Variants in DNMT3B observed in about 807,000 individuals in gnomAD.
DNMT3B encodes the protein DNA (cytosine-5)-methyltransferase 3B.
Under a neutral mutation model 120.2 loss-of-function variants are expected in DNMT3B, and 37 were observed. The ratio of observed to expected loss-of-function variants is 0.31; its 90% CI spans 0.24 to 0.40. The LOEUF (loss-of-function observed/expected upper bound fraction) is 0.40, where lower values mean the gene tolerates loss of function less well. Among genes scored for constraint, DNMT3B ranks in the 10% least tolerant of loss-of-function variants. DNMT3B has a pLI of 1.00. For missense variants in DNMT3B, 878 were observed against 1,137.3 expected (o/e 0.77, Z 3.28); for synonymous variants, 412 against 442.8 (o/e 0.93, Z 0.87).
intron 3 of DNMT3B, among the ~76,000 whole-genome samples, chr20:32,784,440 A>G (rs1601084706): frequency 6.6e-6 from 1 of 152,324 alleles, no homozygotes. Context: ...TGGTGAGTGA[A>G]GGCAAGTGCT....
chr20:32,781,536 A>G lies in DNMT3B; in HGVS notation c.204+122A>G, dbSNP rs1978629405. The G allele has an allele frequency of 6.9e-6, 7 of 1,018,256 alleles. No individual in the cohort carries two copies. In the Admixed American group the frequency reaches 1.1e-4, roughly 16 times the overall value. The allele number at this position is 1,018,256 out of a possible 1,614,324, so 63.1% of individuals were successfully genotyped here. A position where few individuals can be genotyped will look rare whatever the true frequency, so the allele number is the denominator to read the frequency against. On this transcript the variant is annotated intron_variant, in intron 3 of 22. Coordinates refer to ENST00000328111, the MANE Select transcript of DNMT3B (RefSeq NM_006892.4). ...AATGTATGGAGGGTTGCCGAGCTAG[A>G]TGCTTTCTGCATATATTTGGCATTA...
chr20:32,784,610 T>C (rs1601085087), intron 3 of DNMT3B, 148 bp from the exon 4 acceptor site: 3 of 828,004 alleles, frequency 3.6e-6, no homozygotes, highest in African/African-American at 3.4e-5. Flanking sequence ...TTGGTCTGTG[T>C]CTGCACCCAT....
chr20:32,781,295 C>G, intron 2 of DNMT3B, 58 bp from the exon 3 acceptor site: 3 of 1,594,706 alleles, frequency 1.9e-6, no homozygotes, highest in Non-Finnish European at 1.7e-6. Context: ...TTAGCAAGGC[C>G]GTTCCCCAGA....
chr20:32,808,979 C>T lies in DNMT3B; in HGVS notation c.*1076C>T, dbSNP rs779656204. 10 of 219,538 alleles carry T rather than the reference C, an allele frequency of 4.6e-5. No individual in the cohort carries two copies. Among genetic ancestry groups the T allele is most frequent in the Non-Finnish European group, 6.4e-5 (7 of 109,402 alleles). The allele number at this position is 219,538 out of a possible 1,614,324, so 13.6% of individuals were successfully genotyped here. A position where few individuals can be genotyped will look rare whatever the true frequency, so the allele number is the denominator to read the frequency against. On this transcript the variant is annotated 3_prime_UTR_variant, in exon 23 of 23. Coordinates refer to ENST00000328111, the MANE Select transcript of DNMT3B (RefSeq NM_006892.4). ...GGGAAAACTGCAAAGCTCGGTGCTCCCTTTGGAGATTTTTTAATCCTTTTT... is the reference window on the plus strand; with the variant it reads ...GGGAAAACTGCAAAGCTCGGTGCTCTCTTTGGAGATTTTTTAATCCTTTTT...
intron 22 of DNMT3B, 40 bp downstream of exon 22, chr20:32,806,367 C>G (rs191909597): frequency 1.9e-6 from 3 of 1,581,940 alleles, no homozygotes; most frequent in African/African-American, 1.4e-5. Context: ...CTGTGTAGAT[C>G]AAAACACAAA....
chr20:32,800,684 C>T (rs1460598434), intron 17 of DNMT3B, 151 bp from the exon 18 acceptor site: 4 of 881,114 alleles, frequency 4.5e-6, no homozygotes, highest in Non-Finnish European at 5.7e-6. Flanking sequence ...GTCTCGAACT[C>T]CTGACCTCAG....
chr20:32,795,816 C>A, intron 12 of DNMT3B, 122 bp downstream of exon 12: 1 of 1,295,458 alleles, frequency 7.7e-7, no homozygotes, highest in Non-Finnish European at 1.1e-6. Context: ...AACCTCAGGC[C>A]AAGGCCTATT....
At chr20:32,797,533 G>A (rs1315850168) in intron 14 of DNMT3B, among the ~76,000 whole-genome samples, 1 of 152,202 alleles carries the variant, frequency 6.6e-6, no homozygotes, top group Non-Finnish European at 1.5e-5. Flanking sequence ...GTCTCCCTGT[G>A]TTGCCCAGGG....
intron 7 of DNMT3B, among the ~76,000 whole-genome samples, chr20:32,790,441 C>T (rs1979843512): frequency 6.6e-6 from 1 of 152,078 alleles, no homozygotes; most frequent in Admixed American, 6.6e-5. Flanking sequence ...CTGGGTCTGG[C>T]CTGGGCAAGT....
intron 10 of DNMT3B, among the ~76,000 whole-genome samples, chr20:32,794,214 C>T (rs1980335522): frequency 6.6e-6 from 1 of 151,346 alleles, no homozygotes; most frequent in African/African-American, 2.4e-5. Context: ...ACAAAATTAG[C>T]TGGGTGAGGT....
At chr20:32,769,688 G>A (rs1601047284) in intron 1 of DNMT3B, among the ~76,000 whole-genome samples, 1 of 152,018 alleles carries the variant, frequency 6.6e-6, no homozygotes, top group East Asian at 1.9e-4. Flanking sequence ...TTTCCTTCTC[G>A]AGATTTGTTT....
chr20:32,775,295 C>A (rs1988011204), intron 1 of DNMT3B, among the ~76,000 whole-genome samples: 1 of 152,164 alleles, frequency 6.6e-6, no homozygotes, highest in Non-Finnish European at 1.5e-5. Flanking sequence ...ACCAAAGTGA[C>A]CCCCCTTCCT....
At chr20:32,806,534 T>C (rs571854991) in intron 22 of DNMT3B, among the ~76,000 whole-genome samples, 1 of 152,318 alleles carries the variant, frequency 6.6e-6, no homozygotes, top group East Asian at 1.9e-4. Context: ...ATCTGAGACA[T>C]GAGGTCATTA....
At chr20:32,773,058 A>T (rs534640824) in intron 1 of DNMT3B, among the ~76,000 whole-genome samples, 1 of 151,080 alleles carries the variant, frequency 6.6e-6, no homozygotes, top group African/African-American at 2.4e-5. Context: ...ACCTCATGTA[A>T]TCCGCCCTCC....
In DNMT3B at chr20:32,765,883, G is replaced by A. The variant is rs1004942768; in HGVS notation, c.-7+3184G>A. ...CCATTCTCCTGCCTCAGCCTCCCAA[G>A]TAGCTGGGACTACAGGCGCCGGCCA... On this transcript the variant is annotated intron_variant, in intron 1 of 22. Transcript: ENST00000328111. Among the ~76,000 whole-genome samples, 3 of 150,502 alleles carry A rather than the reference G, an allele frequency of 2.0e-5. No homozygotes were observed. The East Asian group carries it at 5.9e-4, about 30-fold the overall frequency.
chr20:32,809,213 AT>A lies in DNMT3B; in HGVS notation c.*1318del, dbSNP rs398088406. The A allele has an allele frequency of 0.55, 117,951 of 216,288 alleles. 36,847 individuals carry two copies. The highest frequency in any genetic ancestry group is 0.91 in the East Asian group (13,096 of 14,374). 13.4% of individuals were successfully genotyped at this position (216,288 alleles called of 1,614,324 possible). ...TTTTATGTTTAACGTTTTCATTAAAATTTTTTTTGTAACTGGAGCCACGACG... is the reference window on the plus strand; with the variant it reads ...TTTTATGTTTAACGTTTTCATTAAAATTTTTTTGTAACTGGAGCCACGACG... On this transcript the variant is annotated 3_prime_UTR_variant, in exon 23 of 23. Coordinates refer to ENST00000328111, the MANE Select transcript of DNMT3B (RefSeq NM_006892.4).
intron 3 of DNMT3B, among the ~76,000 whole-genome samples, chr20:32,783,235 T>G (rs1978839772): frequency 6.6e-6 from 1 of 152,190 alleles, no homozygotes; most frequent in Admixed American, 6.5e-5. Flanking sequence ...CCCATTTTAT[T>G]TCTTTAAATA....
chr20:32,796,747 A>G (rs1016039290), intron 12 of DNMT3B, 43 bp from the exon 13 acceptor site: 1 of 1,607,092 alleles, frequency 6.2e-7, no homozygotes, highest in Admixed American at 1.7e-5. Flanking sequence ...AGCTGGTGTC[A>G]GGGCCTCAAC....
At chr20:32,806,071 G>A in intron 21 of DNMT3B, 138 bp from the exon 22 acceptor site, 1 of 822,094 alleles carries the variant, frequency 1.2e-6, no homozygotes, top group Non-Finnish European at 2.1e-6. Flanking sequence ...ATCTTTCCCA[G>A]GTACTTTTCT....
Sources: allele counts gnomAD v4.1 joint callset (sites outside exome capture counted in the v4.1 genomes callset), GRCh38; gene constraint gnomAD v4.1.1; transcripts MANE v1.5; gene names NCBI Gene and HGNC (gene_info 2026-07-23, HGNC 2026-07-21).